NRG3: variants seen among roughly 807,000 people sequenced by gnomAD.
The protein encoded by NRG3 is neuregulin 3.
In NRG3, 31 loss-of-function variants were observed where a neutral mutation model predicts 66.9. The observed-to-expected ratio is 0.46, with a 90% confidence interval of 0.35 to 0.63. The LOEUF is 0.63. Among genes scored for constraint, NRG3 ranks in the 20% least tolerant of loss-of-function variants. The pLI is 0.00. For synonymous variants in NRG3, 393 were observed against 359.4 expected, an observed-to-expected ratio of 1.09 and a Z score of -1.06; for missense variants, 910 against 878.9, an observed-to-expected ratio of 1.04 and a Z score of -0.45.
chr10:82,752,345 G>A (rs1167818394), intron 3 of NRG3, among the ~76,000 whole-genome samples: 4 of 152,076 alleles, frequency 2.6e-5, no homozygotes, highest in African/African-American at 7.2e-5. Flanking sequence ...GGCAATCAAT[G>A]CCGTTAATTC....
intron 3 of NRG3, among the ~76,000 whole-genome samples, chr10:82,864,972 C>A: frequency 6.6e-6 from 1 of 152,126 alleles, no homozygotes; most frequent in East Asian, 1.9e-4. Context: ...GCCTGGCATG[C>A]AGAAATTCCT....
chr10:82,924,314 T>C (rs1846764462), intron 4 of NRG3, among the ~76,000 whole-genome samples: 1 of 151,970 alleles, frequency 6.6e-6, no homozygotes, highest in African/African-American at 2.4e-5. Flanking sequence ...GTTCAATGAA[T>C]CAATCGCCTA....
intron 1 of NRG3, among the ~76,000 whole-genome samples, chr10:82,237,302 A>G (rs1010663442): frequency 5.9e-5 from 9 of 152,272 alleles, no homozygotes; most frequent in Middle Eastern, 3.4e-3. Flanking sequence ...TCTGTTTGCA[A>G]AGGTCATTCT....
chr10:82,005,589 C>A (rs1266167419), intron 1 of NRG3, among the ~76,000 whole-genome samples: 1 of 152,136 alleles, frequency 6.6e-6, no homozygotes, highest in Non-Finnish European at 1.5e-5. Context: ...TTTCCTGATA[C>A]AAACACCTGA....
chr10:81,936,373 G>A (rs1027926777), intron 1 of NRG3, among the ~76,000 whole-genome samples: 1 of 152,124 alleles, frequency 6.6e-6, no homozygotes, highest in Non-Finnish European at 1.5e-5. Context: ...CTGAAATGAG[G>A]TGGGTCTGGA....
intron 2 of NRG3, among the ~76,000 whole-genome samples, chr10:82,724,339 C>T (rs1186487972): frequency 2.0e-5 from 3 of 151,950 alleles, no homozygotes; most frequent in African/African-American, 7.3e-5. Context: ...GAATGTCATA[C>T]ATAATGAAAG....
intron 3 of NRG3, among the ~76,000 whole-genome samples, chr10:82,742,692 C>A (rs943081641): frequency 2.6e-5 from 4 of 152,044 alleles, no homozygotes; most frequent in African/African-American, 9.7e-5. Context: ...TCTTGAAGGG[C>A]ATATTTCTGC....
At chr10:82,065,876 G>T (rs1277073290) in intron 1 of NRG3, among the ~76,000 whole-genome samples, 1 of 152,068 alleles carries the variant, frequency 6.6e-6, no homozygotes, top group Non-Finnish European at 1.5e-5. Context: ...TCTTTGTGTA[G>T]TTAAAAATTA....
intron 1 of NRG3, among the ~76,000 whole-genome samples, chr10:82,081,985 A>G (rs1417143929): frequency 2.0e-5 from 3 of 152,240 alleles, no homozygotes; most frequent in East Asian, 1.9e-4. Flanking sequence ...GCTTGAGCCC[A>G]TATCTAAAAC....
At chr10:81,996,946 AT>A (rs1369269277) in intron 1 of NRG3, among the ~76,000 whole-genome samples, 3 of 152,274 alleles carry the variant, frequency 2.0e-5, no homozygotes, top group East Asian at 3.9e-4. Flanking sequence ...TGAAAAAAAA[AT>A]AATTTGTTAT....
intron 1 of NRG3, among the ~76,000 whole-genome samples, chr10:82,345,662 C>T (rs989301756): frequency 1.3e-5 from 2 of 151,652 alleles, no homozygotes; most frequent in African/African-American, 4.8e-5. Context: ...GGCAGTATGG[C>T]CATTTTCACG....
rs1343041148 is a variant in NRG3 at position 82,290,817 on chromosome 10, A to AT, written c.824-67915dup. On this transcript the variant is annotated intron_variant, in intron 1 of 8. Transcript: ENST00000372141. ...CCTGGCTAATTTTTTTTTTTTTTGTATTTTTTTAGTAGAGACGGGGTTTCA... is the reference window on the plus strand; with the variant it reads ...CCTGGCTAATTTTTTTTTTTTTTGTATTTTTTTTAGTAGAGACGGGGTTTCA... 1.2e-4 allele frequency among the ~76,000 whole-genome samples: 15 copies of AT among 128,918 alleles called. No individual in the cohort carries two copies. In the East Asian group the frequency reaches 2.9e-3, roughly 25 times the overall value. 84.6% of individuals were successfully genotyped at this position (128,918 alleles called of 152,430 possible). A position where few individuals can be genotyped will look rare whatever the true frequency, so the allele number is the denominator to read the frequency against.
chr10:82,498,355 C>G (rs144428793), intron 2 of NRG3, among the ~76,000 whole-genome samples: 157 of 152,174 alleles, frequency 1.0e-3, no homozygotes, highest in African/African-American at 3.6e-3. Context: ...AAGAAAGCCA[C>G]TTCCACAGCA....
At chr10:82,106,672 A>ATTT (rs2067081405) in intron 1 of NRG3, among the ~76,000 whole-genome samples, 1 of 151,806 alleles carries the variant, frequency 6.6e-6, no homozygotes. Context: ...TGCCCAGCTA[A>ATTT]TTTTTGTATT....
chr10:82,474,602 A>G (rs376883424), intron 2 of NRG3, among the ~76,000 whole-genome samples: 34 of 152,274 alleles, frequency 2.2e-4, no homozygotes, highest in African/African-American at 7.7e-4. Flanking sequence ...AGAAAAGTGA[A>G]TGGAGCCTCA....
chr10:82,619,958 A>T (rs2048927744), intron 2 of NRG3, among the ~76,000 whole-genome samples: 1 of 152,176 alleles, frequency 6.6e-6, no homozygotes, highest in South Asian at 2.1e-4. Flanking sequence ...CAAACTAATG[A>T]TGCAGGAGTT....
At chr10:82,124,974 C>A (rs2068340335) in intron 1 of NRG3, among the ~76,000 whole-genome samples, 1 of 151,956 alleles carries the variant, frequency 6.6e-6, no homozygotes, top group Non-Finnish European at 1.5e-5. Context: ...CAATATTTTT[C>A]TTGTCAAGCT....
At chr10:82,560,188 G>A (rs2044945000) in intron 2 of NRG3, among the ~76,000 whole-genome samples, 2 of 151,348 alleles carry the variant, frequency 1.3e-5, no homozygotes, top group African/African-American at 4.8e-5. Flanking sequence ...ATGATTTATT[G>A]TTACATATTA....
intron 2 of NRG3, among the ~76,000 whole-genome samples, chr10:82,432,844 T>A (rs1330247226): frequency 6.6e-6 from 1 of 152,238 alleles, no homozygotes; most frequent in Non-Finnish European, 1.5e-5. Context: ...ATGTACAACA[T>A]TTCCTTATCC....
Sources: gnomAD v4.1 joint callset for allele counts (sites outside exome capture counted in the v4.1 genomes callset) on GRCh38, gnomAD v4.1.1 for gene constraint, MANE v1.5 for transcripts, NCBI Gene and HGNC (gene_info 2026-07-23, HGNC 2026-07-21) for gene names.